NLGN1: variants seen among roughly 807,000 people sequenced by gnomAD.
NLGN1 encodes the protein neuroligin 1, also known as neuroligin-1.
A neutral mutation model predicts 65.5 loss-of-function variants in NLGN1; 12 were observed. That is an observed-to-expected ratio of 0.18 (90% confidence interval 0.12 to 0.30). The LOEUF is 0.30. Among genes scored for constraint, NLGN1 ranks in the 10% least tolerant of loss-of-function variants. The pLI is 1.00. For missense variants in NLGN1, 750 were observed against 1,007.1 expected (o/e 0.74, Z 3.46); for synonymous variants, 350 against 359.5 (o/e 0.97, Z 0.30).
At chr3:173,646,163 A>G (rs1758238403) in intron 3 of NLGN1, among the ~76,000 whole-genome samples, 1 of 152,094 alleles carries the variant, frequency 6.6e-6, no homozygotes, top group South Asian at 2.1e-4. Flanking sequence ...TTCCCTTCTT[A>G]TAGATCGTTT....
chr3:174,129,512 A>G (rs1290520631), intron 4 of NLGN1, among the ~76,000 whole-genome samples: 1 of 152,202 alleles, frequency 6.6e-6, no homozygotes, highest in Non-Finnish European at 1.5e-5. Context: ...TTCAAAGTTC[A>G]CTAAAGGTGA....
chr3:173,521,549 A>G (rs965231781), intron 2 of NLGN1, among the ~76,000 whole-genome samples: 3 of 152,178 alleles, frequency 2.0e-5, no homozygotes, highest in Non-Finnish European at 2.9e-5. Flanking sequence ...GTTTTTCACT[A>G]ATTTTTCAGA....
At chr3:173,995,280 C>G (rs1369651026) in intron 4 of NLGN1, among the ~76,000 whole-genome samples, 1 of 152,180 alleles carries the variant, frequency 6.6e-6, no homozygotes, top group Non-Finnish European at 1.5e-5. Flanking sequence ...ATCTCTGCTC[C>G]CTGCTTCTCT....
chr3:173,702,025 G>A (rs1767248164), intron 3 of NLGN1, among the ~76,000 whole-genome samples: 1 of 152,046 alleles, frequency 6.6e-6, no homozygotes, highest in African/African-American at 2.4e-5. Flanking sequence ...GGATCACGAG[G>A]TCAGGAGATC....
chr3:173,482,841 TAAC>T (rs1323068494), intron 2 of NLGN1, among the ~76,000 whole-genome samples: 1 of 152,036 alleles, frequency 6.6e-6, no homozygotes, highest in Non-Finnish European at 1.5e-5. Context: ...CCTTAATTAT[TAAC>T]AACTATTATT....
At chr3:173,585,560 A>C (rs979143230) in intron 2 of NLGN1, among the ~76,000 whole-genome samples, 1 of 151,754 alleles carries the variant, frequency 6.6e-6, no homozygotes, top group African/African-American at 2.4e-5. Context: ...ACTGCACCGG[A>C]TAGAGACAGT....
intron 4 of NLGN1, among the ~76,000 whole-genome samples, chr3:174,142,348 ATTGT>A (rs1175210014): frequency 2.0e-5 from 3 of 152,174 alleles, no homozygotes; most frequent in East Asian, 3.9e-4. Context: ...TTGCTTCCAG[ATTGT>A]TTGTTTTTCT....
At chr3:174,238,040 C>A (rs1742071934) in intron 4 of NLGN1, among the ~76,000 whole-genome samples, 1 of 152,120 alleles carries the variant, frequency 6.6e-6, no homozygotes, top group African/African-American at 2.4e-5. Flanking sequence ...CTTGATGAAT[C>A]AAATATTTTG....
At chr3:173,876,138 C>G (rs949341689) in intron 4 of NLGN1, among the ~76,000 whole-genome samples, 1 of 151,980 alleles carries the variant, frequency 6.6e-6, no homozygotes, top group Non-Finnish European at 1.5e-5. Context: ...TTAAAAATGT[C>G]AAGTTGGTAG....
chr3:173,765,114 A>G (rs1348110828), intron 3 of NLGN1, among the ~76,000 whole-genome samples: 2 of 150,694 alleles, frequency 1.3e-5, no homozygotes, highest in Non-Finnish European at 3.0e-5. Context: ...ATGCACACAT[A>G]CATTTGTATG....
chr3:173,726,410 G>T (rs1267723324), intron 3 of NLGN1, among the ~76,000 whole-genome samples: 1 of 151,924 alleles, frequency 6.6e-6, no homozygotes, highest in Non-Finnish European at 1.5e-5. Flanking sequence ...TAAAATGGCT[G>T]TACCAGTATC....
At chr3:174,014,145 G>A (rs977718580) in intron 4 of NLGN1, among the ~76,000 whole-genome samples, 4 of 151,984 alleles carry the variant, frequency 2.6e-5, no homozygotes, top group Admixed American at 1.3e-4. Context: ...GTTAACAGAG[G>A]TTCTCAAAAT....
intron 2 of NLGN1, among the ~76,000 whole-genome samples, chr3:173,484,317 T>C (rs1455390092): frequency 1.3e-5 from 2 of 152,108 alleles, no homozygotes; most frequent in African/African-American, 4.8e-5. Context: ...ATTCAAACTT[T>C]GAAACATTTT....
chr3:173,441,791 GC>G (rs956998143), intron 2 of NLGN1, among the ~76,000 whole-genome samples: 1 of 152,128 alleles, frequency 6.6e-6, no homozygotes, highest in African/African-American at 2.4e-5. Flanking sequence ...AATCAATTTG[GC>G]TAATGCAGAG....
At chr3:173,504,866 G>A (rs1731735852) in intron 2 of NLGN1, among the ~76,000 whole-genome samples, 1 of 151,804 alleles carries the variant, frequency 6.6e-6, no homozygotes, top group South Asian at 2.1e-4. Flanking sequence ...GTCCTCTTAA[G>A]TCTATTTCGT....
chr3:173,716,348 A>G (rs544906577), intron 3 of NLGN1, among the ~76,000 whole-genome samples: 1 of 152,308 alleles, frequency 6.6e-6, no homozygotes, highest in Non-Finnish European at 1.5e-5. Flanking sequence ...GTGTATATAT[A>G]CACATAAAAT....
chr3:174,000,175 A>G lies in NLGN1; in HGVS notation c.646+192343A>G, dbSNP rs75110045. ...GTTCCTCTCCTTGTTTCTCATCTAT[A>G]ATACCCTGACTACAGATTTCCAGGT... On this transcript the variant is annotated intron_variant, in intron 4 of 6. Transcript: ENST00000457714. 3.0e-3 allele frequency among the ~76,000 whole-genome samples: 452 copies of G among 152,246 alleles called. 2 individuals carry two copies. The highest frequency in any genetic ancestry group is 0.01 in the African/African-American group (432 of 41,574).
At chr3:173,626,782 T>G (rs1207583267) in intron 3 of NLGN1, among the ~76,000 whole-genome samples, 1 of 152,142 alleles carries the variant, frequency 6.6e-6, no homozygotes, top group East Asian at 1.9e-4. Flanking sequence ...TTTACAAACT[T>G]GTCACACCTT....
intron 3 of NLGN1, among the ~76,000 whole-genome samples, chr3:173,702,875 T>C (rs767809062): frequency 6.6e-6 from 1 of 152,192 alleles, no homozygotes; most frequent in Non-Finnish European, 1.5e-5. Flanking sequence ...AAAATTAAAA[T>C]GGTTTTCTTT....
Sources: gnomAD v4.1 joint callset for allele counts (sites outside exome capture counted in the v4.1 genomes callset) on GRCh38, gnomAD v4.1.1 for gene constraint, MANE v1.5 for transcripts, NCBI Gene and HGNC (gene_info 2026-07-23, HGNC 2026-07-21) for gene names.